Variants in NF1 observed in about 807,000 individuals in gnomAD.
The protein encoded by NF1 is neurofibromin.
In NF1, 122 loss-of-function variants were observed where a neutral mutation model predicts 325.7. The ratio of observed to expected loss-of-function variants is 0.37; its 90% CI spans 0.32 to 0.44. The LOEUF is 0.44. Among genes scored for constraint, NF1 ranks in the 20% least tolerant of loss-of-function variants. NF1 has a pLI of 1.00. For missense variants in NF1, 2,140 were observed against 3,415.4 expected (o/e 0.63, Z 9.31); for synonymous variants, 1,091 against 1,186.0 (o/e 0.92, Z 1.65).
intron 36 of NF1, chr17:31,313,984 C>G: frequency 2.5e-6 from 1 of 398,042 alleles, no homozygotes. Context: ...CTTACCTCAG[C>G]TGTTAACTTC....
At position 31,231,328 on chromosome 17, in the gene NF1, G is replaced by C. The variant is rs139453069; in HGVS notation, c.3197+403G>C. Among the ~76,000 whole-genome samples the C allele has an allele frequency of 4.6e-5, 7 of 152,254 alleles. No individual in the cohort carries two copies. In the East Asian group the frequency reaches 1.2e-3, roughly 25 times the overall value. On this transcript the variant is annotated intron_variant, in intron 24 of 57. Transcript: ENST00000358273. ...GCACCAGAGACAGAAAAAAAAGGAA[G>C]TAATCAAGTCTGCTTTAATGATACT... is the stretch of plus-strand genomic sequence containing the variant.
At chr17:31,323,394 A>G (rs118129284) in intron 36 of NF1, among the ~76,000 whole-genome samples, 4,538 of 151,904 alleles carry the variant, frequency 0.03, 115 homozygotes, top group Middle Eastern at 0.044. Context: ...AGCCTGAGTT[A>G]AGGGAAAAAA....
At chr17:31,178,737 A>C (rs934285373) in intron 5 of NF1, among the ~76,000 whole-genome samples, 7 of 152,204 alleles carry the variant, frequency 4.6e-5, no homozygotes, top group Non-Finnish European at 7.4e-5. Context: ...ACAGACTTTA[A>C]ACCAACAAAA....
At chr17:31,154,680 C>A (rs938136031) in intron 1 of NF1, among the ~76,000 whole-genome samples, 3 of 150,792 alleles carry the variant, frequency 2.0e-5, no homozygotes, top group African/African-American at 7.3e-5. Context: ...TCTGCCCCCT[C>A]CTTTACACTC....
chr17:31,209,717 AATCTTGGCTCACTCCAACCTCT>A (rs2066691378), intron 12 of NF1, among the ~76,000 whole-genome samples: 1 of 151,934 alleles, frequency 6.6e-6, no homozygotes, highest in Non-Finnish European at 1.5e-5. Context: ...GCAGTGATGC[AATCTTGGCTCACTCCAACCTCT>A]ACCTTCCAGG....
At chr17:31,301,815 G>A (rs1250234627) in intron 36 of NF1, among the ~76,000 whole-genome samples, 1 of 152,126 alleles carries the variant, frequency 6.6e-6, no homozygotes, top group Non-Finnish European at 1.5e-5. Context: ...GTCTGACTCT[G>A]GTTAATGCTA....
chr17:31,186,654 T>C (rs1001905697), intron 8 of NF1, among the ~76,000 whole-genome samples: 2 of 152,176 alleles, frequency 1.3e-5, no homozygotes, highest in Admixed American at 1.3e-4. Flanking sequence ...ATGTGAGTGC[T>C]CACCAACAGG....
At chr17:31,359,239 A>T in intron 56 of NF1, 1 of 527,952 alleles carries the variant, frequency 1.9e-6, no homozygotes, top group Non-Finnish European at 3.4e-6. Context: ...TCAACTTATG[A>T]TCAATTTTTC....
intron 39 of NF1, chr17:31,330,862 G>T: frequency 5.1e-6 from 1 of 194,466 alleles, no homozygotes; most frequent in South Asian, 1.1e-4. Flanking sequence ...TAATTTTAGA[G>T]AACTAGTCAT....
At chr17:31,354,196 G>T (rs2070217256) in intron 51 of NF1, among the ~76,000 whole-genome samples, 1 of 152,186 alleles carries the variant, frequency 6.6e-6, no homozygotes, top group Non-Finnish European at 1.5e-5. Context: ...AGCAACTCCA[G>T]GTGCCATTAA....
chr17:31,242,305 CTTTT>C (rs200376987), intron 29 of NF1, among the ~76,000 whole-genome samples: 10 of 68,856 alleles, frequency 1.5e-4, no homozygotes, highest in South Asian at 5.7e-4. Context: ...CATAAGTTCT[CTTTT>C]TTTTTTTTTT....
intron 5 of NF1, among the ~76,000 whole-genome samples, chr17:31,170,950 T>C (rs967129159): frequency 6.6e-6 from 1 of 152,168 alleles, no homozygotes; most frequent in African/African-American, 2.4e-5. Context: ...TGTCAAACAA[T>C]AATATTTTTA....
intron 29 of NF1, among the ~76,000 whole-genome samples, chr17:31,248,709 G>C (rs1418012038): frequency 6.6e-6 from 1 of 152,058 alleles, no homozygotes; most frequent in Admixed American, 6.6e-5. Flanking sequence ...TTTTAGTAGA[G>C]ATGGGGTTTC....
intron 36 of NF1, among the ~76,000 whole-genome samples, chr17:31,282,304 C>T (rs540631588): frequency 1.3e-5 from 2 of 151,078 alleles, no homozygotes; most frequent in East Asian, 2.0e-4. Context: ...ATGGCTTGAA[C>T]CTGGGAGGCG....
At chr17:31,360,839 G>T in intron 57 of NF1, 136 bp downstream of exon 57, 1 of 767,110 alleles carries the variant, frequency 1.3e-6, no homozygotes, top group Non-Finnish European at 2.3e-6. Flanking sequence ...TCTTTACCTT[G>T]TAACTGACTT....
At chr17:31,277,569 A>G (rs763446531) in intron 36 of NF1, among the ~76,000 whole-genome samples, 2 of 152,096 alleles carry the variant, frequency 1.3e-5, no homozygotes, top group Non-Finnish European at 2.9e-5. Flanking sequence ...GTACCCTAAG[A>G]GGCTGACCTG....
At chr17:31,124,568 G>C (rs1231495981) in intron 1 of NF1, among the ~76,000 whole-genome samples, 1 of 145,550 alleles carries the variant, frequency 6.9e-6, no homozygotes, top group Non-Finnish European at 1.5e-5. Flanking sequence ...CAATGCTTCA[G>C]GAAGCATATA....
intron 36 of NF1, among the ~76,000 whole-genome samples, chr17:31,284,505 G>A (rs950677992): frequency 1.1e-4 from 17 of 151,698 alleles, no homozygotes; most frequent in Non-Finnish European, 1.9e-4. Context: ...GGCTGGTCTT[G>A]AGCTCCTGAC....
At chr17:31,190,591 G>C (rs1373268228) in intron 8 of NF1, among the ~76,000 whole-genome samples, 8 of 152,090 alleles carry the variant, frequency 5.3e-5, no homozygotes, top group Non-Finnish European at 1.0e-4. Context: ...TCACTGAATG[G>C]GTGGATATTC....
Sources: gnomAD v4.1 joint callset for allele counts (sites outside exome capture counted in the v4.1 genomes callset) on GRCh38, gnomAD v4.1.1 for gene constraint, MANE v1.5 for transcripts, NCBI Gene and HGNC (gene_info 2026-07-23, HGNC 2026-07-21) for gene names.